Variants in SPATA6 observed in about 807,000 individuals in gnomAD.
The protein encoded by SPATA6 is spermatogenesis associated 6, also known as spermatogenesis-associated protein 6.
In SPATA6, 56 loss-of-function variants were observed where a neutral mutation model predicts 65.3. That is an observed-to-expected ratio of 0.86 (90% CI 0.69 to 1.07). The LOEUF (loss-of-function observed/expected upper bound fraction) is 1.07. SPATA6 is among the 50% of genes least tolerant of loss of function. The probability of loss-of-function intolerance (pLI) is 0.00; values close to 1 mark genes in which losing one functional copy is unlikely to be tolerated. For synonymous variants in SPATA6, 199 were observed against 213.2 expected, an observed-to-expected ratio of 0.93 and a Z score of 0.58; for missense variants, 590 against 594.8, an observed-to-expected ratio of 0.99 and a Z score of 0.08.
rs558180367 is a variant in SPATA6, at chr1:48,448,677, T to C, written c.238+2875A>G. 2.0e-5 allele frequency among the ~76,000 whole-genome samples: 3 copies of C among 152,250 alleles called. No homozygotes were observed. The South Asian group carries it at 6.2e-4, about 32-fold the overall frequency. On this transcript the variant is annotated intron_variant, in intron 3 of 12. Transcript: ENST00000371847. ...CAATAGTCAATGTGGAAGGGAAACATTCCATACAACAGAATACTATTCAGC... is the reference window on the plus strand; with the variant it reads ...CAATAGTCAATGTGGAAGGGAAACACTCCATACAACAGAATACTATTCAGC...
At chr1:48,425,989 T>C (rs2148036463) in intron 3 of SPATA6, among the ~76,000 whole-genome samples, 1 of 151,908 alleles carries the variant, frequency 6.6e-6, no homozygotes, top group Middle Eastern at 3.4e-3. Context: ...TCAGATTGTG[T>C]TAAAAATAAC....
chr1:48,454,373 G>C (rs966000230), intron 1 of SPATA6, among the ~76,000 whole-genome samples: 2 of 152,022 alleles, frequency 1.3e-5, no homozygotes, highest in African/African-American at 2.4e-5. Context: ...GTAAGGAGCA[G>C]TAACTCCTTA....
At chr1:48,287,898 T>C in the SPATA6 span, among the ~76,000 whole-genome samples, 1 of 152,216 alleles carries the variant, frequency 6.6e-6, no homozygotes, top group Non-Finnish European at 1.5e-5. Context: ...AGAGGAAAAG[T>C]TTTAAGCTTT....
At chr1:48,407,005 G>A (rs577102177) in intron 5 of SPATA6, among the ~76,000 whole-genome samples, 5 of 152,316 alleles carry the variant, frequency 3.3e-5, no homozygotes, top group Middle Eastern at 3.4e-3. Context: ...ACTACTGATT[G>A]AAGCATTTTT....
rs778194621 is a variant in SPATA6 at position 48,411,530 on chromosome 1, T to G, written c.339A>C (p.Pro113=). Reference sequence around the variant, plus strand: ...AATCATGGTGTCCAGACATTTGGTTTGGACCCGGAAACATGAAATCTCGTG... The same window carrying G: ...AATCATGGTGTCCAGACATTTGGTTGGGACCCGGAAACATGAAATCTCGTG... ...ENTRDFMFPG[P]NQMSGHHDSN... The change falls in exon 5 of 13, where the codon CCA becomes CCC. Residue 113 remains proline (P), a synonymous_variant. Coordinates refer to ENST00000371847, the MANE Select transcript of SPATA6 (RefSeq NM_019073.4). 1.9e-6 allele frequency: 3 copies of G among 1,612,090 alleles called. No homozygotes were observed. Among genetic ancestry groups the G allele is most frequent in the Admixed American group, 3.3e-5 (2 of 59,776 alleles).
intron 9 of SPATA6, among the ~76,000 whole-genome samples, chr1:48,371,795 G>A (rs1647313624): frequency 6.6e-6 from 1 of 152,176 alleles, no homozygotes; most frequent in Non-Finnish European, 1.5e-5. Context: ...TATAGCTGGG[G>A]AGGTTTCGCA....
At chr1:48,363,448 G>A (rs939754068) in intron 9 of SPATA6, among the ~76,000 whole-genome samples, 1 of 152,058 alleles carries the variant, frequency 6.6e-6, no homozygotes, top group Non-Finnish European at 1.5e-5. Context: ...CCCTATTAAG[G>A]CTTTCGTTTC....
At chr1:48,367,684 G>A (rs1371708698) in intron 9 of SPATA6, among the ~76,000 whole-genome samples, 3 of 152,026 alleles carry the variant, frequency 2.0e-5, no homozygotes, top group Non-Finnish European at 4.4e-5. Context: ...TTGAGCCTAT[G>A]TGTGTCTCTG....
At chr1:48,398,250 C>T (rs1298041555) in intron 7 of SPATA6, among the ~76,000 whole-genome samples, 1 of 146,270 alleles carries the variant, frequency 6.8e-6, no homozygotes, top group Non-Finnish European at 1.5e-5. Flanking sequence ...ATCCATTATA[C>T]TATAAATTTT....
intron 6 of SPATA6, 58 bp from the exon 7 acceptor site, chr1:48,399,702 G>C: frequency 6.9e-7 from 1 of 1,446,008 alleles, no homozygotes; most frequent in East Asian, 2.4e-5. Context: ...ATTCCTGTTG[G>C]TGGGGAAAAA....
intron 1 of SPATA6, among the ~76,000 whole-genome samples, chr1:48,459,204 C>CAAAAAAAA (rs35079974): frequency 2.3e-4 from 15 of 66,348 alleles, no homozygotes; most frequent in African/African-American, 3.3e-4. Context: ...GACTCCATAT[C>CAAAAAAAA]AAAAAAAAAA....
intron 9 of SPATA6, among the ~76,000 whole-genome samples, chr1:48,382,340 C>T (rs1373029631): frequency 5.8e-5 from 5 of 85,662 alleles, no homozygotes; most frequent in African/African-American, 9.7e-5. Flanking sequence ...GGGGGCTGAC[C>T]CCCCCACCAC....
chr1:48,313,641 G>A (rs563289596), intron 11 of SPATA6, among the ~76,000 whole-genome samples: 2 of 152,226 alleles, frequency 1.3e-5, no homozygotes, highest in East Asian at 3.9e-4. Context: ...ATCAACTAAT[G>A]AGCAAAATAA....
chr1:48,366,596 G>A (rs1273284946), intron 9 of SPATA6, among the ~76,000 whole-genome samples: 3 of 152,152 alleles, frequency 2.0e-5, no homozygotes, highest in Non-Finnish European at 2.9e-5. Context: ...GGTGTTTGTA[G>A]TATTCTCTGA....
At chr1:48,440,295 C>A (rs1248928225) in intron 3 of SPATA6, among the ~76,000 whole-genome samples, 1 of 152,160 alleles carries the variant, frequency 6.6e-6, no homozygotes, top group Non-Finnish European at 1.5e-5. Context: ...TTCAGATGAT[C>A]CTGATAGGTA....
chr1:48,344,434 AT>A (rs1460052775), intron 11 of SPATA6: 4 of 152,268 alleles, frequency 2.6e-5, no homozygotes, highest in African/African-American at 9.6e-5. Flanking sequence ...AACACACTGA[AT>A]GAAGTTCACA....
chr1:48,453,534 C>T (rs573418034), intron 1 of SPATA6, among the ~76,000 whole-genome samples: 1 of 151,314 alleles, frequency 6.6e-6, no homozygotes, highest in South Asian at 2.1e-4. Context: ...TTTTAAAAAA[C>T]GCTGATAAAA....
At chr1:48,321,986 A>G (rs1017200071) in intron 11 of SPATA6, among the ~76,000 whole-genome samples, 3 of 152,172 alleles carry the variant, frequency 2.0e-5, no homozygotes, top group African/African-American at 7.2e-5. Flanking sequence ...ACAACATACC[A>G]AAATCTATGG....
intron 11 of SPATA6, among the ~76,000 whole-genome samples, chr1:48,316,351 C>T (rs1003960768): frequency 2.6e-5 from 4 of 152,108 alleles, no homozygotes; most frequent in African/African-American, 9.7e-5. Context: ...ACCAATGGAA[C>T]AGAACAGAGC....
Sources: gnomAD v4.1 joint callset for allele counts (sites outside exome capture counted in the v4.1 genomes callset) on GRCh38, gnomAD v4.1.1 for gene constraint, MANE v1.5 for transcripts, NCBI Gene and HGNC (gene_info 2026-07-23, HGNC 2026-07-21) for gene names.